Variants in ZNF493 observed in about 807,000 individuals in gnomAD.
The protein encoded by ZNF493 is zinc finger protein 493.
A neutral mutation model predicts 12.2 loss-of-function variants in ZNF493; 11 were observed. That is an observed-to-expected ratio of 0.90 (90% CI 0.57 to 1.50). The LOEUF (loss-of-function observed/expected upper bound fraction) is 1.50. Among genes scored for constraint, ZNF493 ranks in the 40% most tolerant of loss-of-function variants. The pLI is 0.00. For missense variants in ZNF493, 950 were observed against 906.6 expected, an observed-to-expected ratio of 1.05 and a Z score of -0.61; for synonymous variants, 286 against 302.6, an observed-to-expected ratio of 0.95 and a Z score of 0.57.
In ZNF493 at chr19:21,424,226, G is replaced by A; in HGVS notation, c.1567G>A (p.Gly523Ser). The stretch of plus-strand genomic sequence containing the variant: ...AAAACCCTACAAATGTGAAGAATGT[G>A]GCAAAGCTTTTAAACGATCTTCAAC... ...GEKPYKCEEC[G>S]KAFKRSSTLT... Residue 523 changes from glycine (G) to serine (S), a missense_variant, in exon 4 of 4, where the codon GGC (glycine) becomes AGC (serine). Gly to Ser is a moderately conservative substitution (Grantham distance 56, BLOSUM62 0). Transcript: ENST00000392288. 1 of 1,612,488 alleles carries A rather than the reference G, an allele frequency of 6.2e-7. No homozygotes were observed. Among genetic ancestry groups the A allele is most frequent in the South Asian group, 1.1e-5 (1 of 90,948 alleles).
In ZNF493 at chr19:21,426,702, C is replaced by G. The variant is rs1454380058; in HGVS notation, c.*1718C>G. The G allele has an allele frequency of 6.0e-6, 1 of 166,468 alleles. No homozygotes were observed. The highest frequency in any genetic ancestry group is 6.6e-5 in the Admixed American group (1 of 15,226). The allele number at this position is 166,468 out of a possible 1,614,324, so 10.3% of individuals were successfully genotyped here. On this transcript the variant is annotated 3_prime_UTR_variant, in exon 4 of 4. Transcript: ENST00000392288. Reference sequence around the variant, plus strand: ...TTCAAAAACTACAGCTTAGAAAACACCAGAGTTTATACGAAAATATATTTT... The same window carrying G: ...TTCAAAAACTACAGCTTAGAAAACAGCAGAGTTTATACGAAAATATATTTT...
In ZNF493 at chr19:21,424,028, G is replaced by A. The variant is rs1352690471; in HGVS notation, c.1369G>A (p.Glu457Lys). 1.2e-6 allele frequency: 2 copies of A among 1,613,284 alleles called. No homozygotes were observed. Among genetic ancestry groups the A allele is most frequent in the Non-Finnish European group, 1.7e-6 (2 of 1,179,774 alleles). ...ILTKHKIIHT[E>K]EKPYKCEECG... ...TACTAAACATAAAATAATTCATACA[G>A]AAGAGAAACCCTACAAATGTGAAGA... The change falls in exon 4 of 4, where the codon GAA becomes AAA. Residue 457 changes from glutamate (E) to lysine (K), a missense_variant. Coordinates refer to ENST00000392288, the MANE Select transcript of ZNF493 (RefSeq NM_001076678.3).
At chr19:21,397,584 T>G (rs1974193884) in intron 1 of ZNF493, 1 of 545,224 alleles carries the variant, frequency 1.8e-6, no homozygotes. Context: ...CAGGGGAGAA[T>G]CCTGACTTGG....
At chr19:21,412,743 G>T in intron 3 of ZNF493, 2 of 264,824 alleles carry the variant, frequency 7.6e-6, no homozygotes, top group Non-Finnish European at 7.4e-6. Flanking sequence ...CCAGTTCTTG[G>T]CATTAACATC....
chr19:21,408,884 T>TCTTTCTTTC (rs35597453), intron 3 of ZNF493: 1 of 658,622 alleles, frequency 1.5e-6, no homozygotes, highest in African/African-American at 2.3e-5. Flanking sequence ...TTTCTTTCTT[T>TCTTTCTTTC]TTTTTTTTTT....
rs2562410 is a variant in ZNF493 at position 21,418,446 on chromosome 19, G to A, written c.254-4467G>A. Among the ~76,000 whole-genome samples the A allele has an allele frequency of 6.2e-3, 947 of 152,106 alleles. 12 individuals carry two copies. The highest frequency in any genetic ancestry group is 0.022 in the African/African-American group (904 of 41,470). Reference sequence around the variant, plus strand: ...ATGGGGATTGCTTTAAGAGTACTTGGGTGTCCTCCGGCTTAGTTCTACATT... The same window carrying A: ...ATGGGGATTGCTTTAAGAGTACTTGAGTGTCCTCCGGCTTAGTTCTACATT... On this transcript the variant is annotated intron_variant, in intron 3 of 3. Coordinates refer to ENST00000392288, the MANE Select transcript of ZNF493 (RefSeq NM_001076678.3).
Position 21,427,019 on chromosome 19 carries a change from G to A in ZNF493, c.*2035G>A, listed in dbSNP as rs2030872354. Reference sequence around the variant, plus strand: ...GTAACTCAACTCATTATTTTCTGCTGTTTCTTCATTCTTATTCACTTGTGA... The same window carrying A: ...GTAACTCAACTCATTATTTTCTGCTATTTCTTCATTCTTATTCACTTGTGA... On this transcript the variant is annotated 3_prime_UTR_variant, in exon 4 of 4. Coordinates refer to ENST00000392288, the MANE Select transcript of ZNF493 (RefSeq NM_001076678.3). 1 of 166,898 alleles carries A rather than the reference G, an allele frequency of 6.0e-6. No individual in the cohort carries two copies. The highest frequency in any genetic ancestry group is 1.5e-5 in the Non-Finnish European group (1 of 68,086). The allele number at this position is 166,898 out of a possible 1,614,324, so 10.3% of individuals were successfully genotyped here.
chr19:21,407,484 T>A (rs1599732329), intron 3 of ZNF493: 1 of 226,300 alleles, frequency 4.4e-6, no homozygotes, highest in East Asian at 1.9e-4. Flanking sequence ...AGAGACGGGG[T>A]TTCACCGTTT....
chr19:21,423,636 G>GCC lies in ZNF493; in HGVS notation c.977_978insCC (p.Gly327LeufsTer16). The GCC allele has an allele frequency of 6.2e-7, 1 of 1,609,656 alleles. No homozygotes were observed. Among genetic ancestry groups the GCC allele is most frequent in the Non-Finnish European group, 8.5e-7 (1 of 1,179,594 alleles). On this transcript the variant is annotated frameshift_variant, in exon 4 of 4. Transcript: ENST00000392288. LOFTEE classifies it low-confidence loss of function (END_TRUNC). ...GAAAAACCCTATAAATGTGAAGAATGTGGCAAAGCCTTTAGTATTTTCTCA... is the reference window on the plus strand; with the variant it reads ...GAAAAACCCTATAAATGTGAAGAATGCCTGGCAAAGCCTTTAGTATTTTCTCA...
intron 3 of ZNF493, among the ~76,000 whole-genome samples, chr19:21,415,895 C>T (rs1260578812): frequency 6.8e-6 from 1 of 146,568 alleles, no homozygotes; most frequent in Non-Finnish European, 1.5e-5. Context: ...CAGGAGAAGG[C>T]AATCCTGGTT....
At chr19:21,401,941 T>C (rs1014908967) in intron 1 of ZNF493, among the ~76,000 whole-genome samples, 1 of 151,416 alleles carries the variant, frequency 6.6e-6, no homozygotes, top group Admixed American at 6.6e-5. Flanking sequence ...GCTATTTATT[T>C]ATCTACTTAT....
chr19:21,422,716 A>ATTTTTT (rs2030717248), intron 3 of ZNF493, among the ~76,000 whole-genome samples, 197 bp from the exon 4 acceptor site: 1 of 152,010 alleles, frequency 6.6e-6, no homozygotes, highest in Admixed American at 6.6e-5. Flanking sequence ...GGTACTTCAA[A>ATTTTTT]CACTTAACTC....
At position 21,424,457 on chromosome 19, in the gene ZNF493, C is replaced by G. The variant is rs747374727; in HGVS notation, c.1798C>G (p.Pro600Ala). 14 of 1,613,242 alleles carry G rather than the reference C, an allele frequency of 8.7e-6. No individual in the cohort carries two copies. The South Asian group carries it at 9.9e-5, about 11-fold the overall frequency. Residue 600 changes from proline (P) to alanine (A), a missense_variant, in exon 4 of 4, where the codon CCC becomes GCC. By Grantham distance (27) the Pro-to-Ala change is conservative. Coordinates refer to ENST00000392288, the MANE Select transcript of ZNF493 (RefSeq NM_001076678.3). ...CAAGATAATTCATACTGATAAGAAA[C>G]CCTACAAATGTGAAGAATGTGGCAA... ...KHKIIHTDKK[P>A]YKCEECGKAF...
At chr19:21,415,454 G>T (rs1256112974) in intron 3 of ZNF493, among the ~76,000 whole-genome samples, 1 of 152,052 alleles carries the variant, frequency 6.6e-6, no homozygotes. Flanking sequence ...CCTTTCTGTG[G>T]CACAATGGTA....
intron 1 of ZNF493, among the ~76,000 whole-genome samples, chr19:21,403,954 A>T (rs1306906979): frequency 1.3e-5 from 2 of 152,182 alleles, no homozygotes; most frequent in Non-Finnish European, 2.9e-5. Context: ...CTTTGTTGCC[A>T]TTGAACGTGG....
intron 3 of ZNF493, among the ~76,000 whole-genome samples, chr19:21,406,838 G>T (rs1332299455): frequency 6.6e-6 from 1 of 151,720 alleles, no homozygotes; most frequent in Non-Finnish European, 1.5e-5. Flanking sequence ...AATGCCACTG[G>T]AATTTTGATA....
intron 2 of ZNF493, 167 bp downstream of exon 2, chr19:21,405,422 G>A: frequency 1.4e-6 from 2 of 1,432,948 alleles, no homozygotes; most frequent in Non-Finnish European, 1.8e-6. Flanking sequence ...TCTTCAGGAT[G>A]TTTTATCTTG....
intron 3 of ZNF493, chr19:21,407,693 CTG>C (rs1344628171): frequency 2.1e-6 from 2 of 970,028 alleles, no homozygotes; most frequent in Non-Finnish European, 1.2e-6. Flanking sequence ...AATTTACTGA[CTG>C]TATTATTAGT....
rs1225574333 is a variant in ZNF493, at chr19:21,424,025, A to G, written c.1366A>G (p.Thr456Ala). Residue 456 changes from threonine to alanine, a missense_variant, in exon 4 of 4, where the codon ACA (threonine) becomes GCA (alanine). Thr to Ala is a moderately conservative substitution (Grantham distance 58). Transcript: ENST00000392288. The stretch of plus-strand genomic sequence containing the variant: ...TCTTACTAAACATAAAATAATTCAT[A>G]CAGAAGAGAAACCCTACAAATGTGA... ...SILTKHKIIHTEEKPYKCEEC... is the reference protein window; with the variant it reads ...SILTKHKIIHAEEKPYKCEEC... 1.2e-6 allele frequency: 2 copies of G among 1,613,562 alleles called. No individual in the cohort carries two copies. The highest frequency in any genetic ancestry group is 1.7e-6 in the Non-Finnish European group (2 of 1,179,798).
Sources: allele counts gnomAD v4.1 joint callset (sites outside exome capture counted in the v4.1 genomes callset), GRCh38; gene constraint gnomAD v4.1.1; transcripts MANE v1.5; gene names NCBI Gene and HGNC (gene_info 2026-07-23, HGNC 2026-07-21).